Variants in ECRG4 observed in about 807,000 individuals in gnomAD.
ECRG4 encodes augurin.
A neutral mutation model predicts 15.8 loss-of-function variants in ECRG4; 18 were observed. The ratio of observed to expected loss-of-function variants is 1.14; its 90% CI spans 0.79 to 1.69. ECRG4 has a LOEUF of 1.69. Ranked by LOEUF, ECRG4 falls within the 40% of genes most tolerant of loss-of-function variation. The pLI is 0.00. For missense variants in ECRG4, 200 were observed against 190.9 expected, an observed-to-expected ratio of 1.05 and a Z score of -0.28; for synonymous variants, 82 against 73.9, an observed-to-expected ratio of 1.11 and a Z score of -0.56.
chr2:106,073,885 G>A lies in ECRG4; in HGVS notation c.128-1G>A. On this transcript the variant is annotated splice_acceptor_variant, in intron 2 of 3. Transcript: ENST00000238044. LOFTEE classifies it high-confidence loss of function. Reference sequence around the variant, plus strand: ...TGGGGATGGGGAATTGATGATTTCAGCACCTGTTCCAACTAAGACTAAAGT... The same window carrying A: ...TGGGGATGGGGAATTGATGATTTCAACACCTGTTCCAACTAAGACTAAAGT... The A allele has an allele frequency of 6.2e-7, 1 of 1,614,018 alleles. No homozygotes were observed.
chr2:106,069,924 G>A (rs1428096778), intron 1 of ECRG4, among the ~76,000 whole-genome samples: 2 of 152,080 alleles, frequency 1.3e-5, no homozygotes, highest in Middle Eastern at 3.2e-3. Context: ...ACTATAGACC[G>A]ACTTGAGCAC....
At chr2:106,073,130 T>C (rs1033057236) in intron 2 of ECRG4, among the ~76,000 whole-genome samples, 2 of 152,226 alleles carry the variant, frequency 1.3e-5, no homozygotes, top group Admixed American at 6.5e-5. Context: ...CCCACTTTTA[T>C]AGATACGGGG....
At chr2:106,065,911 G>A in intron 1 of ECRG4, 68 bp downstream of exon 1, 10 of 1,346,226 alleles carry the variant, frequency 7.4e-6, no homozygotes, top group Non-Finnish European at 9.8e-6. Context: ...CGCTTCCATG[G>A]TGCCCGGGGA....
intron 1 of ECRG4, among the ~76,000 whole-genome samples, 179 bp from the exon 2 acceptor site, chr2:106,071,665 G>T (rs917851170): frequency 6.6e-6 from 1 of 152,210 alleles, no homozygotes; most frequent in African/African-American, 2.4e-5. Flanking sequence ...GCCATGGGCA[G>T]CCTGAATTGT....
chr2:106,074,655 G>A lies in ECRG4; in HGVS notation c.285+612G>A, dbSNP rs565981449. Among the ~76,000 whole-genome samples, 13 of 152,308 alleles carry A rather than the reference G, an allele frequency of 8.5e-5. 1 individual carries two copies. Among genetic ancestry groups the A allele is most frequent in the African/African-American group, 2.2e-4 (9 of 41,582 alleles). Reference sequence around the variant, plus strand: ...GCTGGGGTGCACGTGGAGGTGAGACGGCAGCCCATGGAAGTCATAGATGCT... The same window carrying A: ...GCTGGGGTGCACGTGGAGGTGAGACAGCAGCCCATGGAAGTCATAGATGCT... On this transcript the variant is annotated intron_variant, in intron 3 of 3. Transcript: ENST00000238044.
intron 1 of ECRG4, among the ~76,000 whole-genome samples, chr2:106,067,824 T>G (rs923430414): frequency 2.6e-5 from 4 of 151,046 alleles, no homozygotes; most frequent in African/African-American, 9.7e-5. Context: ...TGACTCTTTA[T>G]GCCACCTCCA....
chr2:106,069,168 CTTTT>C (rs1414690924), intron 1 of ECRG4, among the ~76,000 whole-genome samples: 17 of 74,510 alleles, frequency 2.3e-4, no homozygotes, highest in South Asian at 7.0e-4. Context: ...TTCTTTCTTT[CTTTT>C]TTCTTTCTTT....
intron 3 of ECRG4, among the ~76,000 whole-genome samples, chr2:106,076,809 C>G (rs945986138): frequency 1.3e-5 from 2 of 152,160 alleles, no homozygotes; most frequent in Admixed American, 1.3e-4. Context: ...ACTGGCCCTG[C>G]ACCCCAATGG....
At position 106,074,013 on chromosome 2, in the gene ECRG4, G is replaced by A. The variant is rs754863238; in HGVS notation, c.255G>A (p.Gln85=). The A allele has an allele frequency of 5.6e-6, 9 of 1,613,646 alleles. No individual in the cohort carries two copies. In the East Asian group the frequency reaches 1.8e-4, roughly 32 times the overall value. The change falls in exon 3 of 4, where the codon CAG becomes CAA. Residue 85 remains glutamine, a synonymous_variant. Coordinates refer to ENST00000238044, the MANE Select transcript of ECRG4 (RefSeq NM_032411.3). The part of the protein sequence containing the change: ...RTRPEVQQWY[Q]QFLYMGFDEA... ...GGCCCGAGGTGCAGCAGTGGTACCA[G>A]CAGTTTCTCTACATGGGCTTTGACG...
At chr2:106,067,836 A>AC (rs933751128) in intron 1 of ECRG4, among the ~76,000 whole-genome samples, 4 of 144,436 alleles carry the variant, frequency 2.8e-5, no homozygotes, top group African/African-American at 1.0e-4. Context: ...CCACCTCCAA[A>AC]CTTTTTTTTT....
At chr2:106,066,445 G>A (rs1293095457) in intron 1 of ECRG4, among the ~76,000 whole-genome samples, 3 of 152,172 alleles carry the variant, frequency 2.0e-5, no homozygotes, top group Non-Finnish European at 4.4e-5. Flanking sequence ...GCATTCACAC[G>A]CACACCCAGA....
At chr2:106,071,993 A>C (rs1408766795) in intron 2 of ECRG4, 102 bp downstream of exon 2, 1 of 970,838 alleles carries the variant, frequency 1.0e-6, no homozygotes, top group Admixed American at 1.9e-5. Context: ...GGAAAATCAA[A>C]AGTGTTTACT....
At position 106,065,701 on chromosome 2, in the gene ECRG4, G is replaced by T. The variant is rs1676193896; in HGVS notation, c.-64G>T. ...CTGCCCGCTCGCACCCCTCTCCCGC[G>T]CCCGGTTCTCCCTCGCAGCACCTCG... On this transcript the variant is annotated 5_prime_UTR_variant, in exon 1 of 4. Coordinates refer to ENST00000238044, the MANE Select transcript of ECRG4 (RefSeq NM_032411.3). 9 of 1,305,010 alleles carry T rather than the reference G, an allele frequency of 6.9e-6. No homozygotes were observed. The highest frequency in any genetic ancestry group is 5.8e-5 in the Admixed American group (2 of 34,204). The allele number at this position is 1,305,010 out of a possible 1,614,324, so 80.8% of individuals were successfully genotyped here. A position where few individuals can be genotyped will look rare whatever the true frequency, so the allele number is the denominator to read the frequency against.
chr2:106,071,073 G>A (rs1676355295), intron 1 of ECRG4: 2 of 469,378 alleles, frequency 4.3e-6, no homozygotes, highest in Non-Finnish European at 8.8e-6. Flanking sequence ...ATAACAGCAA[G>A]TGGTACAAAT....
intron 1 of ECRG4, among the ~76,000 whole-genome samples, chr2:106,068,167 GA>G (rs1676266037): frequency 6.6e-6 from 1 of 151,976 alleles, no homozygotes; most frequent in East Asian, 1.9e-4. Flanking sequence ...ATTTAATAAA[GA>G]AAATGACCGT....
chr2:106,071,636 G>A (rs1177913490), intron 1 of ECRG4, among the ~76,000 whole-genome samples: 1 of 152,214 alleles, frequency 6.6e-6, no homozygotes, highest in Admixed American at 6.5e-5. Context: ...GTCGGCTGTG[G>A]TCATTATCAC....
chr2:106,063,306 C>A (rs1007643284), upstream of ECRG4: 2 of 152,204 alleles, frequency 1.3e-5, no homozygotes, highest in Non-Finnish European at 2.9e-5. Flanking sequence ...TCTGCTGGGG[C>A]CTTAGTCTTG....
chr2:106,076,196 T>C (rs983159242), intron 3 of ECRG4, among the ~76,000 whole-genome samples: 4 of 152,060 alleles, frequency 2.6e-5, no homozygotes, highest in Non-Finnish European at 4.4e-5. Flanking sequence ...CAGATGGCTA[T>C]AATCCCAGCT....
chr2:106,074,636 G>T (rs888772712), intron 3 of ECRG4, among the ~76,000 whole-genome samples: 5 of 152,206 alleles, frequency 3.3e-5, no homozygotes, highest in Non-Finnish European at 7.3e-5. Flanking sequence ...CCCAGCTGGG[G>T]TGCACGTGGA....
Sources: allele counts gnomAD v4.1 joint callset (sites outside exome capture counted in the v4.1 genomes callset), GRCh38; gene constraint gnomAD v4.1.1; transcripts MANE v1.5; gene names NCBI Gene and HGNC (gene_info 2026-07-23, HGNC 2026-07-21).